Variants in PRKAG2 observed in about 807,000 individuals in gnomAD.
PRKAG2 encodes the protein protein kinase AMP-activated non-catalytic subunit gamma 2, also known as 5'-AMP-activated protein kinase subunit gamma-2.
PRKAG2 carries 26 observed loss-of-function variants against 69.6 expected under a neutral mutation model. The observed-to-expected ratio is 0.37, with a 90% confidence interval of 0.27 to 0.52. The LOEUF is 0.52. PRKAG2 is among the 20% of genes least tolerant of loss of function. PRKAG2 has a pLI of 0.90. For missense variants in PRKAG2, 557 were observed against 740.0 expected (o/e 0.75, Z 2.87); for synonymous variants, 293 against 285.0 (o/e 1.03, Z -0.28).
intron 4 of PRKAG2, among the ~76,000 whole-genome samples, chr7:151,658,192 A>AATAC (rs1433742585): frequency 3.5e-5 from 5 of 144,130 alleles, no homozygotes; most frequent in African/African-American, 1.3e-4. Context: ...TAAATAAATA[A>AATAC]ATAAGAATAA....
intron 5 of PRKAG2, among the ~76,000 whole-genome samples, chr7:151,626,301 G>A (rs575181023): frequency 3.3e-5 from 5 of 152,208 alleles, no homozygotes; most frequent in Non-Finnish European, 7.4e-5. Context: ...TCACCAAGTC[G>A]GAGACACCAC....
At chr7:151,855,094 TCCTCCACACAC>T (rs1563756760) in intron 1 of PRKAG2, among the ~76,000 whole-genome samples, 30 of 9,560 alleles carry the variant, frequency 3.1e-3, no homozygotes, top group East Asian at 0.031. Context: ...ACACACACCA[TCCTCCACACAC>T]ACCACCCTAC....
In PRKAG2 at chr7:151,683,471, G is replaced by A. The variant is rs575086183; in HGVS notation, c.467-7834C>T. On this transcript the variant is annotated intron_variant, in intron 3 of 15. Transcript: ENST00000287878. The stretch of plus-strand genomic sequence containing the variant: ...TGGTGCAATCCGGCCCCTCCACTGC[G>A]TAAATGGAATGAGCTAGAGCCTCAT... 3.9e-5 allele frequency among the ~76,000 whole-genome samples: 6 copies of A among 152,244 alleles called. 1 individual carries two copies. The highest frequency in any genetic ancestry group is 3.9e-4 in the East Asian group (2 of 5,164).
chr7:151,717,320 C>T (rs1445225424), intron 3 of PRKAG2, among the ~76,000 whole-genome samples: 1 of 151,416 alleles, frequency 6.6e-6, no homozygotes, highest in Non-Finnish European at 1.5e-5. Context: ...AAAGAGGGTG[C>T]AATCAGTCAT....
chr7:151,646,365 T>C (rs1032430362), intron 4 of PRKAG2, among the ~76,000 whole-genome samples: 1 of 152,240 alleles, frequency 6.6e-6, no homozygotes. Flanking sequence ...AGCAATCTTT[T>C]GTAGTTTTCA....
At chr7:151,690,293 C>T (rs1453117202) in intron 3 of PRKAG2, among the ~76,000 whole-genome samples, 1 of 152,192 alleles carries the variant, frequency 6.6e-6, no homozygotes, top group Non-Finnish European at 1.5e-5. Context: ...GTACCTACCC[C>T]TGGTAGAGCT....
intron 3 of PRKAG2, among the ~76,000 whole-genome samples, chr7:151,708,669 G>A (rs532439395): frequency 7.4e-4 from 113 of 152,342 alleles, no homozygotes; most frequent in African/African-American, 2.7e-3. Context: ...TGTTAGCCAT[G>A]TAATGTGGGC....
chr7:151,589,901 C>G (rs1385588308), intron 6 of PRKAG2, among the ~76,000 whole-genome samples: 1 of 152,152 alleles, frequency 6.6e-6, no homozygotes, highest in African/African-American at 2.4e-5. Context: ...TACCACTGCA[C>G]TTCAGCCTGG....
Position 151,696,730 on chromosome 7 carries a change from C to G in PRKAG2, c.467-21093G>C, listed in dbSNP as rs541298767. ...AGATCCATCGGAAGGCAGGGTCAGG[C>G]CAAACCTCTCCTCTCAAGTCAGATA... is the stretch of plus-strand genomic sequence containing the variant. On this transcript the variant is annotated intron_variant, in intron 3 of 15. Transcript: ENST00000287878. Among the ~76,000 whole-genome samples the G allele has an allele frequency of 2.2e-4, 33 of 152,302 alleles. 1 individual carries two copies. The highest frequency in any genetic ancestry group is 7.7e-4 in the African/African-American group (32 of 41,548).
At chr7:151,714,503 T>C (rs1055535880) in intron 3 of PRKAG2, among the ~76,000 whole-genome samples, 2 of 146,162 alleles carry the variant, frequency 1.4e-5, no homozygotes, top group South Asian at 2.2e-4. Flanking sequence ...CGTCCTCCCA[T>C]CCACACCCTG....
In PRKAG2 at chr7:151,615,064, G is replaced by A. The variant is rs151041481; in HGVS notation, c.754+17005C>T. 3.9e-3 allele frequency among the ~76,000 whole-genome samples: 594 copies of A among 152,280 alleles called. 3 individuals are homozygous for A. Among genetic ancestry groups the A allele is most frequent in the African/African-American group, 0.013 (534 of 41,562 alleles). On this transcript the variant is annotated intron_variant, in intron 5 of 15. Transcript: ENST00000287878. ...CAGAGGGAACCTCGAGACAGAAGCC[G>A]TGTGGATCCAGAGGGAACCCCCAGA...
chr7:151,820,720 G>C (rs1331954628), intron 1 of PRKAG2, among the ~76,000 whole-genome samples: 5 of 152,242 alleles, frequency 3.3e-5, no homozygotes, highest in Non-Finnish European at 7.3e-5. Context: ...GAGCTCCTCA[G>C]ACCTGATAAG....
At chr7:151,834,703 C>A (rs1214264142) in intron 1 of PRKAG2, among the ~76,000 whole-genome samples, 3 of 152,242 alleles carry the variant, frequency 2.0e-5, no homozygotes, top group Non-Finnish European at 4.4e-5. Context: ...TTTAAGCCCC[C>A]ACCCCAGGAA....
chr7:151,794,373 G>A (rs1427064374), intron 1 of PRKAG2, among the ~76,000 whole-genome samples: 2 of 152,248 alleles, frequency 1.3e-5, no homozygotes, highest in Admixed American at 6.5e-5. Flanking sequence ...TGTGGAGCAC[G>A]CCCTTTAAAA....
intron 2 of PRKAG2, among the ~76,000 whole-genome samples, chr7:151,784,032 C>G (rs1464309595): frequency 6.6e-6 from 1 of 151,890 alleles, no homozygotes; most frequent in African/African-American, 2.4e-5. Flanking sequence ...ACACAGGCAC[C>G]AGGGTGGTCC....
rs144254195 is a variant in PRKAG2, at chr7:151,875,481, T to C, written c.114+1026A>G. ...CCCTGTCGGGAAGGATTAGCTTTAA[T>C]GAGGGGTCCGGACAGCCCATTCACT... is the stretch of plus-strand genomic sequence containing the variant. On this transcript the variant is annotated intron_variant, in intron 1 of 15. Coordinates refer to ENST00000287878, the MANE Select transcript of PRKAG2 (RefSeq NM_016203.4). Among the ~76,000 whole-genome samples, 1,136 of 152,134 alleles carry C rather than the reference T, an allele frequency of 7.5e-3. 8 individuals are homozygous for C. The highest frequency in any genetic ancestry group is 0.025 in the African/African-American group (1,054 of 41,502).
rs1806027836 is a variant in PRKAG2 at position 151,565,457 on chromosome 7, G to A, written c.1400-74C>T. ...AAATTCATTTAAAATCAGTTTTAAT[G>A]ACATAATTACTAAAAGTTAAACACT... On this transcript the variant is annotated intron_variant, in intron 12 of 15. Coordinates refer to ENST00000287878, the MANE Select transcript of PRKAG2 (RefSeq NM_016203.4). 3.6e-6 allele frequency: 4 copies of A among 1,122,116 alleles called. No individual in the cohort carries two copies. In the African/African-American group the frequency reaches 6.3e-5, roughly 18 times the overall value. The allele number at this position is 1,122,116 out of a possible 1,614,324, so 69.5% of individuals were successfully genotyped here.
chr7:151,805,665 G>A (rs1465852174), intron 1 of PRKAG2, among the ~76,000 whole-genome samples: 1 of 152,178 alleles, frequency 6.6e-6, no homozygotes, highest in Non-Finnish European at 1.5e-5. Flanking sequence ...TGGCTGTGAT[G>A]CCTGGGACTC....
chr7:151,626,017 C>T (rs1446713026), intron 5 of PRKAG2, among the ~76,000 whole-genome samples: 1 of 152,136 alleles, frequency 6.6e-6, no homozygotes, highest in East Asian at 1.9e-4. Context: ...TGGAGCTGAA[C>T]AGCTGTAGGG....
Sources: allele counts gnomAD v4.1 joint callset (sites outside exome capture counted in the v4.1 genomes callset), GRCh38; gene constraint gnomAD v4.1.1; transcripts MANE v1.5; gene names NCBI Gene and HGNC (gene_info 2026-07-23, HGNC 2026-07-21).